Variants in CTNS observed in about 807,000 individuals in gnomAD.
The protein encoded by CTNS is cystinosin, lysosomal cystine transporter.
A neutral mutation model predicts 43.7 loss-of-function variants in CTNS; 27 were observed. The ratio of observed to expected loss-of-function variants is 0.62; its 90% CI spans 0.46 to 0.85. CTNS has a LOEUF of 0.85. Among genes scored for constraint, CTNS ranks in the 40% least tolerant of loss-of-function variants. CTNS has a pLI of 0.00. For missense variants in CTNS, 457 were observed against 475.4 expected, an observed-to-expected ratio of 0.96 and a Z score of 0.36; for synonymous variants, 187 against 190.6, an observed-to-expected ratio of 0.98 and a Z score of 0.16.
chr17:3,644,792 G>T (rs1363628704), intron 3 of CTNS, among the ~76,000 whole-genome samples: 1 of 152,134 alleles, frequency 6.6e-6, no homozygotes, highest in Non-Finnish European at 1.5e-5. Context: ...GTAGAGATGG[G>T]GTTTCGCCAT....
intron 2 of CTNS, among the ~76,000 whole-genome samples, chr17:3,638,190 T>G (rs1451397140): frequency 6.6e-6 from 1 of 152,054 alleles, no homozygotes; most frequent in African/African-American, 2.4e-5. Flanking sequence ...TCTTGTAGCT[T>G]TCACAAGCCA....
Position 3,656,529 on chromosome 17 carries a change from G to A in CTNS, c.504G>A (p.Thr168=), listed in dbSNP as rs1800528. ...LSFDFVALNL[T]GFVAYSVFNI... ...TCGACTTCGTGGCTCTGAACCTGAC[G>A]GGCTTCGTGGCCTACAGTGTATTCA... Residue 168 remains threonine, a synonymous_variant, in exon 8 of 12, where the codon ACG becomes ACA. Transcript: ENST00000046640. 295,569 of 1,603,876 alleles carry A rather than the reference G, an allele frequency of 0.18. 28,811 individuals are homozygous for A. The highest frequency in any genetic ancestry group is 0.22 in the Admixed American group (12,859 of 58,506).
chr17:3,647,602 G>A lies in CTNS; in HGVS notation c.140+80G>A, dbSNP rs976646677. ...TCAGGGCTGACCCCTGGCTCAGTCT[G>A]TTCAGATTTCAGATGCGCTATTCTT... is the stretch of plus-strand genomic sequence containing the variant. On this transcript the variant is annotated intron_variant, in intron 4 of 11. Coordinates refer to ENST00000046640, the MANE Select transcript of CTNS (RefSeq NM_004937.3). 5.6e-5 allele frequency: 72 copies of A among 1,277,580 alleles called. No homozygotes were observed. The Admixed American group carries it at 6.0e-4, about 11-fold the overall frequency. The allele number at this position is 1,277,580 out of a possible 1,614,324, so 79.1% of individuals were successfully genotyped here.
At chr17:3,657,967 T>C in intron 9 of CTNS, 38 bp from the exon 10 acceptor site, 1 of 1,602,602 alleles carries the variant, frequency 6.2e-7, no homozygotes, top group Non-Finnish European at 8.5e-7. Context: ...GCGTGGCCTC[T>C]GTGTGGGTCC....
intron 5 of CTNS, among the ~76,000 whole-genome samples, chr17:3,654,577 A>C (rs2076076622): frequency 6.6e-6 from 1 of 151,566 alleles, no homozygotes; most frequent in Admixed American, 6.6e-5. Context: ...GGGACTCAGG[A>C]GCCTAAGGCA....
chr17:3,658,268 G>T, intron 10 of CTNS, 93 bp downstream of exon 10: 1 of 1,527,088 alleles, frequency 6.5e-7, no homozygotes, highest in Non-Finnish European at 8.9e-7. Context: ...TCCTGCCGGC[G>T]TGAGGAAACA....
chr17:3,647,938 C>T (rs935202335), intron 4 of CTNS, among the ~76,000 whole-genome samples: 15 of 152,190 alleles, frequency 9.9e-5, no homozygotes, highest in African/African-American at 4.8e-5. Flanking sequence ...GGAGTGGCCA[C>T]GTCGGGTGAA....
intron 10 of CTNS, 131 bp from the exon 11 acceptor site, chr17:3,659,727 G>A (rs1567715816): frequency 1.1e-5 from 8 of 734,956 alleles, no homozygotes; most frequent in African/African-American, 3.5e-5. Context: ...AAAGGTCACC[G>A]TGTCCTTGGA....
chr17:3,656,636 G>A (rs1443215487), intron 8 of CTNS, 40 bp from the exon 9 acceptor site: 1 of 1,612,118 alleles, frequency 6.2e-7, no homozygotes, highest in Non-Finnish European at 8.5e-7. Context: ...TGGTGGCCCG[G>A]CTGCCCCTCA....
intron 5 of CTNS, among the ~76,000 whole-genome samples, chr17:3,649,247 G>A (rs999789644): frequency 2.6e-5 from 4 of 152,080 alleles, no homozygotes; most frequent in Non-Finnish European, 4.4e-5. Flanking sequence ...TAGGAAGTTC[G>A]AGACCAGCCT....
intron 4 of CTNS, among the ~76,000 whole-genome samples, chr17:3,648,497 T>C (rs2075898061): frequency 6.6e-6 from 1 of 152,332 alleles, no homozygotes; most frequent in African/African-American, 2.4e-5. Context: ...TTCAGTCAAA[T>C]GCTGGCCCTC....
rs2075653246 is a variant in CTNS, at chr17:3,640,286, CGTCA to C, written c.61+20_61+23del. Reference sequence around the variant, plus strand: ...AAATGTGGTAAGTTTAGAAATGACACGTCAACTTTGTAAAGAGGGAAATGGTGGC... The same window carrying C: ...AAATGTGGTAAGTTTAGAAATGACACACTTTGTAAAGAGGGAAATGGTGGC... On this transcript the variant is annotated intron_variant, in intron 3 of 11. Transcript: ENST00000046640. 2 of 1,610,526 alleles carry C rather than the reference CGTCA, an allele frequency of 1.2e-6. No individual in the cohort carries two copies. Among genetic ancestry groups the C allele is most frequent in the African/African-American group, 2.7e-5 (2 of 74,836 alleles).
intron 4 of CTNS, 125 bp from the exon 5 acceptor site, chr17:3,648,722 T>G: frequency 1.2e-6 from 1 of 813,514 alleles, no homozygotes; most frequent in East Asian, 2.6e-5. Context: ...CCCATCAGGG[T>G]GGAGCACCTA....
intron 7 of CTNS, 127 bp downstream of exon 7, chr17:3,655,479 A>G: frequency 1.4e-6 from 2 of 1,427,068 alleles, no homozygotes; most frequent in South Asian, 1.2e-5. Flanking sequence ...CTTTCCAGAA[A>G]GTTGTCCCAG....
In CTNS at chr17:3,658,418, A is replaced by G. The variant is rs465221; in HGVS notation, c.852+243A>G. 0.6 allele frequency among the ~76,000 whole-genome samples: 90,930 copies of G among 151,814 alleles called. 30,448 individuals are homozygous for G. Among genetic ancestry groups the G allele is most frequent in the Non-Finnish European group, 0.74 (50,195 of 67,834 alleles). ...TGGACCCCACGCTCCCCTAAGCATC[A>G]GGTGTGCGGGTGGTTCCCCTTCTCC... is the stretch of plus-strand genomic sequence containing the variant. On this transcript the variant is annotated intron_variant, in intron 10 of 11. Transcript: ENST00000046640.
At chr17:3,650,581 T>C (rs2075955409) in intron 5 of CTNS, 4 of 303,264 alleles carry the variant, frequency 1.3e-5, no homozygotes, top group Non-Finnish European at 2.5e-5. Flanking sequence ...GAGAGGGAGC[T>C]CTCCCCGCTG....
At chr17:3,654,972 G>T in intron 5 of CTNS, 26 bp from the exon 6 acceptor site, 1 of 1,544,464 alleles carries the variant, frequency 6.5e-7, no homozygotes, top group Non-Finnish European at 9.0e-7. Flanking sequence ...ACGTGGCATC[G>T]GATTGAACCT....
chr17:3,657,147 G>A (rs762209358), intron 9 of CTNS, among the ~76,000 whole-genome samples: 1 of 152,108 alleles, frequency 6.6e-6, no homozygotes, highest in Admixed American at 6.5e-5. Flanking sequence ...AGAGGAAGAC[G>A]CTTGGTTGGG....
At chr17:3,644,200 A>G (rs935961725) in intron 3 of CTNS, among the ~76,000 whole-genome samples, 3 of 152,316 alleles carry the variant, frequency 2.0e-5, no homozygotes, top group East Asian at 1.9e-4. Context: ...ACATTGCTAC[A>G]TTGTATCTTC....
Sources: gnomAD v4.1 joint callset for allele counts (sites outside exome capture counted in the v4.1 genomes callset) on GRCh38, gnomAD v4.1.1 for gene constraint, MANE v1.5 for transcripts, NCBI Gene and HGNC (gene_info 2026-07-23, HGNC 2026-07-21) for gene names.